The following CAMK4 variants were observed in gnomAD, a reference collection of about 807,000 sequenced individuals.
CAMK4 encodes the protein calcium/calmodulin dependent protein kinase IV, also known as calcium/calmodulin-dependent protein kinase type IV.
Under a neutral mutation model 44.9 loss-of-function variants are expected in CAMK4, and 22 were observed. The ratio of observed to expected loss-of-function variants is 0.49; its 90% CI spans 0.35 to 0.70. The LOEUF is 0.70. CAMK4 is among the 30% of genes least tolerant of loss of function. The probability of loss-of-function intolerance (pLI) is 0.01; values close to 1 mark genes in which losing one functional copy is unlikely to be tolerated. For synonymous variants in CAMK4, 218 were observed against 215.4 expected (o/e 1.01, Z -0.11); for missense variants, 498 against 586.8 (o/e 0.85, Z 1.56).
At chr5:111,329,731 A>G (rs1463680952) in intron 1 of CAMK4, among the ~76,000 whole-genome samples, 1 of 151,758 alleles carries the variant, frequency 6.6e-6, no homozygotes, top group African/African-American at 2.4e-5. Flanking sequence ...AAAAAATCAT[A>G]CAGTCATCTC....
chr5:111,247,310 TTA>T (rs1482354178), intron 1 of CAMK4, among the ~76,000 whole-genome samples: 1 of 147,680 alleles, frequency 6.8e-6, no homozygotes, highest in Non-Finnish European at 1.5e-5. Flanking sequence ...TAAATTATTT[TTA>T]TATTTTATAT....
chr5:111,288,225 G>A (rs113777547), intron 1 of CAMK4, among the ~76,000 whole-genome samples: 1 of 152,170 alleles, frequency 6.6e-6, no homozygotes, highest in African/African-American at 2.4e-5. Flanking sequence ...CTCAAGGCCA[G>A]TTGGCTTGGG....
intron 5 of CAMK4, among the ~76,000 whole-genome samples, chr5:111,431,329 C>A (rs1225707541): frequency 6.6e-6 from 1 of 152,098 alleles, no homozygotes; most frequent in African/African-American, 2.4e-5. Context: ...TGAAACTAGA[C>A]CCCTATGTCT....
At chr5:111,291,154 TC>T (rs1433467983) in intron 1 of CAMK4, among the ~76,000 whole-genome samples, 1 of 152,192 alleles carries the variant, frequency 6.6e-6, no homozygotes, top group Admixed American at 6.5e-5. Context: ...TATTATGTGT[TC>T]GAAAAATAAT....
chr5:111,474,257 A>G (rs1354505593), intron 8 of CAMK4, among the ~76,000 whole-genome samples: 1 of 152,220 alleles, frequency 6.6e-6, no homozygotes, highest in African/African-American at 2.4e-5. Context: ...CTGGGCTTAC[A>G]TAACAAAATA....
chr5:111,354,188 G>A (rs924751409), intron 2 of CAMK4, among the ~76,000 whole-genome samples: 2 of 151,992 alleles, frequency 1.3e-5, no homozygotes, highest in Non-Finnish European at 2.9e-5. Context: ...TGGACACAAA[G>A]TCAAATACTG....
intron 7 of CAMK4, among the ~76,000 whole-genome samples, chr5:111,460,939 AG>A (rs1754622794): frequency 6.6e-6 from 1 of 152,214 alleles, no homozygotes; most frequent in Admixed American, 6.5e-5. Flanking sequence ...AAATAAGATG[AG>A]GGAAATAAAC....
At chr5:111,469,163 AAAAAAAAAAATATATATAT>A (rs1183468255) in intron 7 of CAMK4, among the ~76,000 whole-genome samples, 1 of 59,356 alleles carries the variant, frequency 1.7e-5, no homozygotes, top group African/African-American at 6.8e-5. Context: ...AAAAAAAAAA[AAAAAAAAAAATATATATAT>A]ATATATATAT....
At chr5:111,309,760 G>T (rs1272415815) in intron 1 of CAMK4, among the ~76,000 whole-genome samples, 1 of 152,026 alleles carries the variant, frequency 6.6e-6, no homozygotes, top group Admixed American at 6.6e-5. Flanking sequence ...CTAAAACTTT[G>T]CTTATTTTTA....
intron 1 of CAMK4, among the ~76,000 whole-genome samples, chr5:111,272,710 C>T (rs1452840099): frequency 6.6e-6 from 1 of 152,040 alleles, no homozygotes; most frequent in Non-Finnish European, 1.5e-5. Context: ...TTTAGAGGAA[C>T]TAAAAAATTC....
chr5:111,478,868 A>G (rs1755334490), intron 9 of CAMK4, among the ~76,000 whole-genome samples: 1 of 152,084 alleles, frequency 6.6e-6, no homozygotes, highest in African/African-American at 2.4e-5. Context: ...ATTTAGATGT[A>G]CTTCATTTCT....
At chr5:111,234,982 C>T (rs1392998657) in intron 1 of CAMK4, among the ~76,000 whole-genome samples, 1 of 152,180 alleles carries the variant, frequency 6.6e-6, no homozygotes, top group Non-Finnish European at 1.5e-5. Flanking sequence ...ATTGTGCTCA[C>T]ACATGTCTTG....
At chr5:111,372,382 G>A (rs1751041962) in intron 2 of CAMK4, among the ~76,000 whole-genome samples, 1 of 152,046 alleles carries the variant, frequency 6.6e-6, no homozygotes, top group African/African-American at 2.4e-5. Flanking sequence ...CCAGGAATAG[G>A]CACATAAATC....
chr5:111,494,555 C>A lies in CAMK4; in HGVS notation c.*10089C>A, dbSNP rs190525840. On this transcript the variant is annotated 3_prime_UTR_variant, in exon 11 of 11. Coordinates refer to ENST00000282356, the MANE Select transcript of CAMK4 (RefSeq NM_001744.6). The stretch of plus-strand genomic sequence containing the variant: ...ATGGGACACAACAGTCATGGGCTGT[C>A]TCAGCTGCCCAAAGCCTGAGGCAGA... The A allele has an allele frequency of 6.6e-6, 1 of 151,870 alleles. No individual in the cohort carries two copies. Among genetic ancestry groups the A allele is most frequent in the Admixed American group, 6.6e-5 (1 of 15,230 alleles). 9.4% of individuals were successfully genotyped at this position (151,870 alleles called of 1,614,324 possible).
intron 1 of CAMK4, among the ~76,000 whole-genome samples, chr5:111,243,346 G>A (rs1303692518): frequency 6.6e-6 from 1 of 152,216 alleles, no homozygotes; most frequent in African/African-American, 2.4e-5. Flanking sequence ...AGTGAAGGAT[G>A]AGGAACTTGA....
intron 1 of CAMK4, among the ~76,000 whole-genome samples, chr5:111,321,384 A>C: frequency 6.6e-6 from 1 of 152,186 alleles, no homozygotes; most frequent in East Asian, 1.9e-4. Flanking sequence ...TTCAGACCAA[A>C]CAAAACACAT....
chr5:111,444,048 T>C (rs1318659761), intron 5 of CAMK4, among the ~76,000 whole-genome samples: 2 of 152,212 alleles, frequency 1.3e-5, no homozygotes, highest in Non-Finnish European at 2.9e-5. Context: ...ATTACCTTCC[T>C]TTCCAGTATC....
intron 1 of CAMK4, among the ~76,000 whole-genome samples, chr5:111,230,049 C>T (rs942367447): frequency 5.9e-5 from 9 of 152,108 alleles, no homozygotes; most frequent in South Asian, 4.1e-4. Flanking sequence ...CATGTGTACC[C>T]GCTTCCTCTT....
intron 7 of CAMK4, among the ~76,000 whole-genome samples, chr5:111,464,961 G>C (rs894358068): frequency 6.6e-6 from 1 of 152,092 alleles, no homozygotes; most frequent in Non-Finnish European, 1.5e-5. Context: ...AATCGGCTTT[G>C]TGAACACTCC....
Sources: gnomAD v4.1 joint callset for allele counts (sites outside exome capture counted in the v4.1 genomes callset) on GRCh38, gnomAD v4.1.1 for gene constraint, MANE v1.5 for transcripts, NCBI Gene and HGNC (gene_info 2026-07-23, HGNC 2026-07-21) for gene names.